The following KCNQ3 variants were observed in gnomAD, a reference collection of about 807,000 sequenced individuals.
The protein encoded by KCNQ3 is potassium voltage-gated channel subfamily Q member 3, also known as potassium voltage-gated channel subfamily KQT member 3.
A neutral mutation model predicts 92.5 loss-of-function variants in KCNQ3; 30 were observed. The ratio of observed to expected loss-of-function variants is 0.32; its 90% CI spans 0.24 to 0.44. The LOEUF is 0.44. KCNQ3 is among the 20% of genes least tolerant of loss of function. KCNQ3 has a pLI of 1.00. For synonymous variants in KCNQ3, 450 were observed against 468.8 expected, an observed-to-expected ratio of 0.96 and a Z score of 0.52; for missense variants, 913 against 1,140.3, an observed-to-expected ratio of 0.80 and a Z score of 2.87.
chr8:132,324,317 T>C (rs1240701258), intron 1 of KCNQ3, among the ~76,000 whole-genome samples: 2 of 152,190 alleles, frequency 1.3e-5, no homozygotes, highest in South Asian at 2.1e-4. Context: ...AGCAAAACTA[T>C]AGAATTATTG....
intron 9 of KCNQ3, among the ~76,000 whole-genome samples, chr8:132,151,718 T>C (rs1563774589): frequency 6.6e-6 from 1 of 152,258 alleles, no homozygotes; most frequent in East Asian, 1.9e-4. Context: ...GCCTCTAACA[T>C]ATTTAACAGG....
chr8:132,149,501 G>A (rs751052876), intron 9 of KCNQ3, among the ~76,000 whole-genome samples: 123 of 152,064 alleles, frequency 8.1e-4, no homozygotes, highest in Admixed American at 3.0e-3. Flanking sequence ...CATTTTTTTG[G>A]TGCCCAGAAC....
At chr8:132,304,467 T>G (rs948747559) in intron 1 of KCNQ3, among the ~76,000 whole-genome samples, 4 of 152,228 alleles carry the variant, frequency 2.6e-5, no homozygotes, top group African/African-American at 9.6e-5. Context: ...AGTTTTCTCA[T>G]GTCTGAAATG....
chr8:132,239,782 A>G (rs1158593620), intron 1 of KCNQ3, among the ~76,000 whole-genome samples: 1 of 152,228 alleles, frequency 6.6e-6, no homozygotes, highest in Non-Finnish European at 1.5e-5. Flanking sequence ...ATCCCACGAT[A>G]GTTGAGTGAT....
intron 1 of KCNQ3, among the ~76,000 whole-genome samples, chr8:132,347,387 C>T (rs1382745748): frequency 6.6e-6 from 1 of 152,188 alleles, no homozygotes; most frequent in Non-Finnish European, 1.5e-5. Context: ...CATTTGCTTA[C>T]TTTGCTCTTT....
At chr8:132,177,793 G>T (rs1373419358) in intron 4 of KCNQ3, among the ~76,000 whole-genome samples, 2 of 152,210 alleles carry the variant, frequency 1.3e-5, no homozygotes, top group African/African-American at 4.8e-5. Flanking sequence ...ATGAAGAAAT[G>T]AATTGATAAA....
chr8:132,233,407 C>T (rs1586850206), intron 1 of KCNQ3, among the ~76,000 whole-genome samples: 1 of 152,166 alleles, frequency 6.6e-6, no homozygotes, highest in Non-Finnish European at 1.5e-5. Context: ...ATGAAAAATG[C>T]TAAATCCCAA....
chr8:132,224,081 A>ATTTTTTTTTTTTTTTTTTTTT lies in KCNQ3; in HGVS notation c.387-37921_387-37901dup, dbSNP rs1164773143. Among the ~76,000 whole-genome samples the ATTTTTTTTTTTTTTTTTTTTT allele has an allele frequency of 6.1e-4, 24 of 39,474 alleles. 7 individuals are homozygous for ATTTTTTTTTTTTTTTTTTTTT. The highest frequency in any genetic ancestry group is 1.1e-3 in the Non-Finnish European group (21 of 19,696). 25.9% of individuals were successfully genotyped at this position (39,474 alleles called of 152,430 possible). ...CAGACACACACCATCATGCCAGGCTATTTTTTTTTTTTTTTTTTTTTTTTT... is the reference window on the plus strand; with the variant it reads ...CAGACACACACCATCATGCCAGGCTATTTTTTTTTTTTTTTTTTTTTTTTTTTTTTTTTTTTTTTTTTTTTT... On this transcript the variant is annotated intron_variant, in intron 1 of 14. Transcript: ENST00000388996.
intron 1 of KCNQ3, among the ~76,000 whole-genome samples, chr8:132,435,757 C>A (rs1821377487): frequency 6.6e-6 from 1 of 151,540 alleles, no homozygotes; most frequent in Non-Finnish European, 1.5e-5. Context: ...ACTATGTTGC[C>A]CTGGCTGGTC....
chr8:132,198,011 T>C (rs1827351734), intron 1 of KCNQ3, among the ~76,000 whole-genome samples: 1 of 152,206 alleles, frequency 6.6e-6, no homozygotes, highest in East Asian at 1.9e-4. Context: ...TCCCTCTGCT[T>C]AAAGTTGGCT....
intron 11 of KCNQ3, 74 bp from the exon 12 acceptor site, chr8:132,138,090 C>T: frequency 6.5e-7 from 1 of 1,543,174 alleles, no homozygotes; most frequent in Non-Finnish European, 8.8e-7. Flanking sequence ...GGCTAGCAAA[C>T]TCCAGGGCAG....
chr8:132,283,640 G>A (rs921578803), intron 1 of KCNQ3, among the ~76,000 whole-genome samples: 4 of 152,186 alleles, frequency 2.6e-5, no homozygotes, highest in Admixed American at 1.3e-4. Context: ...CCTTGTCATC[G>A]GTACCCTATG....
rs149061939 is a variant in KCNQ3, at chr8:132,368,340, C to T, written c.386+111807G>A. On this transcript the variant is annotated intron_variant, in intron 1 of 14. Coordinates refer to ENST00000388996, the MANE Select transcript of KCNQ3 (RefSeq NM_004519.4). ...TACGTAATGCCTCATGTCTTTTTCA[C>T]AACAATCTTATTTGATATTAATAAT... Among the ~76,000 whole-genome samples the T allele has an allele frequency of 2.6e-3, 400 of 152,246 alleles. 3 individuals are homozygous for T. The highest frequency in any genetic ancestry group is 6.8e-3 in the Middle Eastern group (2 of 294).
intron 7 of KCNQ3, among the ~76,000 whole-genome samples, chr8:132,171,437 A>G (rs914222911): frequency 6.6e-6 from 1 of 152,120 alleles, no homozygotes; most frequent in Non-Finnish European, 1.5e-5. Flanking sequence ...TCATCCTCCA[A>G]TAACCCATTA....
At chr8:132,300,943 T>C (rs1243850363) in intron 1 of KCNQ3, among the ~76,000 whole-genome samples, 6 of 152,118 alleles carry the variant, frequency 3.9e-5, no homozygotes, top group Admixed American at 6.5e-5. Context: ...AAGATGGTGA[T>C]AATTATTATT....
At chr8:132,189,957 T>G (rs1190160568) in intron 1 of KCNQ3, among the ~76,000 whole-genome samples, 1 of 149,062 alleles carries the variant, frequency 6.7e-6, no homozygotes, top group African/African-American at 2.5e-5. Context: ...GCTGAAGGAT[T>G]TTTAAGAACA....
In KCNQ3 at chr8:132,129,724, G is replaced by T; in HGVS notation, c.2157C>A (p.Asn719Lys). 2 of 1,614,200 alleles carry T rather than the reference G, an allele frequency of 1.2e-6. No homozygotes were observed. Among genetic ancestry groups the T allele is most frequent in the Non-Finnish European group, 8.5e-7 (1 of 1,180,036 alleles). The change falls in exon 15 of 15, where the codon AAC (asparagine) becomes AAA (lysine). Residue 719 changes from asparagine to lysine, a missense_variant. Around this residue, in one of 6 missense-constraint regions of KCNQ3, gnomAD observed 375 missense variants for 376.4 expected, o/e 1.00. Coordinates refer to ENST00000388996, the MANE Select transcript of KCNQ3 (RefSeq NM_004519.4). This position sits in a 1 kb window ranked among gnomAD's most constrained non-coding sequence, Gnocchi z 5.9. ...CAGAACTGGGTCCCCCTCGGGGCAG[G>T]TTCACAGGGTCATGTGCAAAAAACC... ...PYGFFAHDPV[N>K]LPRGGPSSGK... is the part of the protein sequence containing the mutation.
At chr8:132,303,328 G>A (rs1034851590) in intron 1 of KCNQ3, among the ~76,000 whole-genome samples, 2 of 151,306 alleles carry the variant, frequency 1.3e-5, no homozygotes, top group Non-Finnish European at 2.9e-5. Context: ...AAGACCTCAC[G>A]GTCTATTTAA....
rs1374224075 is a variant in KCNQ3, at chr8:132,149,983, T to C, written c.1263-8652A>G. On this transcript the variant is annotated intron_variant, in intron 9 of 14. Transcript: ENST00000388996. ...TAAGAGGTTCTTCCCCCAGTCATCCTTTTCTCTTCTCCACCCTGTCAGCAG... is the reference window on the plus strand; with the variant it reads ...TAAGAGGTTCTTCCCCCAGTCATCCCTTTCTCTTCTCCACCCTGTCAGCAG... Among the ~76,000 whole-genome samples the C allele has an allele frequency of 3.3e-5, 5 of 152,152 alleles. No individual in the cohort carries two copies. The South Asian group carries it at 6.2e-4, about 19-fold the overall frequency.
Sources: allele counts gnomAD v4.1 joint callset (sites outside exome capture counted in the v4.1 genomes callset), GRCh38; gene constraint gnomAD v4.1.1; regional missense constraint gnomAD v4.1.1; non-coding constraint Gnocchi (gnomAD v3.1); transcripts MANE v1.5; gene names NCBI Gene and HGNC (gene_info 2026-07-23, HGNC 2026-07-21).